ARHGAP22: variants seen among roughly 807,000 people sequenced by gnomAD.
The protein encoded by ARHGAP22 is Rho GTPase activating protein 22, also known as rho GTPase-activating protein 22.
In ARHGAP22, 48 loss-of-function variants were observed where a neutral mutation model predicts 59.1. That is an observed-to-expected ratio of 0.81 (90% CI 0.64 to 1.03). ARHGAP22 has a LOEUF of 1.03. Among genes scored for constraint, ARHGAP22 ranks in the 50% least tolerant of loss-of-function variants. ARHGAP22 has a pLI of 0.00. For missense variants in ARHGAP22, 1,015 were observed against 958.7 expected (o/e 1.06, Z -0.78); for synonymous variants, 445 against 416.4 (o/e 1.07, Z -0.84).
intron 3 of ARHGAP22, among the ~76,000 whole-genome samples, chr10:48,503,806 C>T (rs979307270): frequency 6.6e-6 from 1 of 152,268 alleles, no homozygotes; most frequent in African/African-American, 2.4e-5. Flanking sequence ...CCTCCCCTAA[C>T]TCCTGCTGGA....
At chr10:48,449,987 A>ACC (rs2045740366) in intron 9 of ARHGAP22, among the ~76,000 whole-genome samples, 1 of 152,232 alleles carries the variant, frequency 6.6e-6, no homozygotes, top group Non-Finnish European at 1.5e-5. Flanking sequence ...CCCCTGCAGC[A>ACC]AAGGTCCCCG....
intron 8 of ARHGAP22, 30 bp from the exon 9 acceptor site, chr10:48,451,170 T>A (rs776693320): frequency 9.0e-6 from 14 of 1,550,440 alleles, no homozygotes; most frequent in Middle Eastern, 1.7e-4. Flanking sequence ...AGAAGGGCCT[T>A]GCTGCCAGCC....
chr10:48,618,902 A>T (rs1326811866), intron 1 of ARHGAP22, among the ~76,000 whole-genome samples: 1 of 152,144 alleles, frequency 6.6e-6, no homozygotes, highest in Non-Finnish European at 1.5e-5. Context: ...CAAAGGAGAA[A>T]GTCAAATTGT....
intron 3 of ARHGAP22, among the ~76,000 whole-genome samples, chr10:48,506,431 G>T (rs77475709): frequency 0.015 from 2,213 of 152,234 alleles, 62 homozygotes; most frequent in African/African-American, 0.05. Context: ...TAGAGAAAAG[G>T]TACCATGAAA....
At chr10:48,629,211 T>G (rs1589238100) in intron 1 of ARHGAP22, among the ~76,000 whole-genome samples, 1 of 152,132 alleles carries the variant, frequency 6.6e-6, no homozygotes, top group South Asian at 2.1e-4. Context: ...AGAGGCCTGG[T>G]CTTCTTGCCC....
At chr10:48,460,016 A>T in intron 4 of ARHGAP22, 125 bp from the exon 5 acceptor site, 2 of 956,356 alleles carry the variant, frequency 2.1e-6, no homozygotes, top group Non-Finnish European at 3.1e-6. Flanking sequence ...CAAATTACAC[A>T]CTGGGAGGAT....
In ARHGAP22 at chr10:48,482,448, TTTC is replaced by T. The variant is rs756009792; in HGVS notation, c.323-2687_323-2685del. On this transcript the variant is annotated intron_variant, in intron 3 of 9. Coordinates refer to ENST00000249601, the MANE Select transcript of ARHGAP22 (RefSeq NM_021226.4). ...TTTCCAGCTGGGAATCGTTTCTTTC[TTTC>T]TTCTTCTAATGACACTGACCAGAGC... Among the ~76,000 whole-genome samples, 8 of 152,352 alleles carry T rather than the reference TTTC, an allele frequency of 5.3e-5. No homozygotes were observed. In the South Asian group the frequency reaches 1.2e-3, roughly 24 times the overall value.
At chr10:48,621,185 G>C (rs2061274089) in intron 1 of ARHGAP22, among the ~76,000 whole-genome samples, 1 of 152,168 alleles carries the variant, frequency 6.6e-6, no homozygotes, top group African/African-American at 2.4e-5. Flanking sequence ...TTTTTAGTAA[G>C]TTATCTTTTT....
intron 1 of ARHGAP22, among the ~76,000 whole-genome samples, chr10:48,621,563 T>C (rs1370370223): frequency 6.6e-6 from 1 of 152,226 alleles, no homozygotes; most frequent in African/African-American, 2.4e-5. Context: ...GTATCCTCCA[T>C]CTAAAATCTA....
chr10:48,462,362 C>T (rs1421194578), intron 4 of ARHGAP22, among the ~76,000 whole-genome samples: 2 of 152,142 alleles, frequency 1.3e-5, no homozygotes, highest in Non-Finnish European at 2.9e-5. Context: ...TCCTACCCAT[C>T]TGATAACTTA....
At chr10:48,563,536 C>A (rs1484331922) in intron 2 of ARHGAP22, among the ~76,000 whole-genome samples, 1 of 152,188 alleles carries the variant, frequency 6.6e-6, no homozygotes, top group African/African-American at 2.4e-5. Flanking sequence ...AACCTTAATT[C>A]TATCTGCCAC....
chr10:48,649,260 C>A (rs1418368376), intron 1 of ARHGAP22, among the ~76,000 whole-genome samples: 1 of 152,180 alleles, frequency 6.6e-6, no homozygotes, highest in Non-Finnish European at 1.5e-5. Context: ...GCCCCCCTAC[C>A]TGGGTTCTCA....
intron 1 of ARHGAP22, among the ~76,000 whole-genome samples, chr10:48,620,706 G>C (rs2061254847): frequency 6.6e-6 from 1 of 152,204 alleles, no homozygotes; most frequent in Non-Finnish European, 1.5e-5. Flanking sequence ...TGGGTGGAGA[G>C]AGGAAATGTT....
intron 2 of ARHGAP22, chr10:48,575,284 G>T (rs1426417617): frequency 3.9e-5 from 6 of 152,176 alleles, no homozygotes; most frequent in Non-Finnish European, 5.9e-5. Flanking sequence ...CCAGTCTCAG[G>T]TATTTCTTTA....
At chr10:48,612,611 C>T (rs946305080) in intron 1 of ARHGAP22, among the ~76,000 whole-genome samples, 1 of 152,222 alleles carries the variant, frequency 6.6e-6, no homozygotes, top group Non-Finnish European at 1.5e-5. Flanking sequence ...CTTTTAGGCT[C>T]TCTGTAGCCA....
intron 4 of ARHGAP22, among the ~76,000 whole-genome samples, chr10:48,470,089 T>C (rs993889406): frequency 6.6e-6 from 1 of 152,038 alleles, no homozygotes. Context: ...TCCCCAGGGG[T>C]TCATCCCCAT....
chr10:48,623,348 G>GT (rs2061345843), intron 1 of ARHGAP22, among the ~76,000 whole-genome samples: 1 of 152,232 alleles, frequency 6.6e-6, no homozygotes, highest in African/African-American at 2.4e-5. Context: ...TCACAGTTTT[G>GT]ATTCTAGCTC....
intron 1 of ARHGAP22, among the ~76,000 whole-genome samples, chr10:48,625,348 T>G (rs2061412827): frequency 1.3e-5 from 2 of 152,092 alleles, no homozygotes; most frequent in South Asian, 4.1e-4. Flanking sequence ...CAGAGTTAGA[T>G]GTGATCGTGA....
chr10:48,451,246 C>G (rs2045916897), intron 8 of ARHGAP22, 106 bp from the exon 9 acceptor site: 7 of 1,458,588 alleles, frequency 4.8e-6, no homozygotes, highest in Non-Finnish European at 6.6e-6. Flanking sequence ...GGCCCTGTCC[C>G]CAGAGCCAGG....
Sources: allele counts gnomAD v4.1 joint callset (sites outside exome capture counted in the v4.1 genomes callset), GRCh38; gene constraint gnomAD v4.1.1; transcripts MANE v1.5; gene names NCBI Gene and HGNC (gene_info 2026-07-23, HGNC 2026-07-21).